MYO18A: variants seen among roughly 807,000 people sequenced by gnomAD.
MYO18A encodes the protein myosin XVIIIA.
Under a neutral mutation model 235.8 loss-of-function variants are expected in MYO18A, and 78 were observed. The observed-to-expected ratio is 0.33, with a 90% CI of 0.28 to 0.40. The LOEUF is 0.40. MYO18A is among the 10% of genes least tolerant of loss of function. The pLI is 1.00. For synonymous variants in MYO18A, 977 were observed against 1,077.8 expected, an observed-to-expected ratio of 0.91 and a Z score of 1.83; for missense variants, 2,215 against 2,699.3, an observed-to-expected ratio of 0.82 and a Z score of 3.98.
intron 1 of MYO18A, among the ~76,000 whole-genome samples, chr17:29,170,912 C>A (rs892674693): frequency 7.2e-5 from 11 of 152,160 alleles, no homozygotes; most frequent in Admixed American, 6.6e-4. Context: ...AAGATACACA[C>A]AATGGGGATG....
In MYO18A at chr17:29,120,182, C is replaced by A. The variant is rs963183989; in HGVS notation, c.1728+434G>T. Reference sequence around the variant, plus strand: ...GGGGCCCTGCTGCTCTGCCCAGACCCCAGGTGCCTGCCTTCTGGAAATGGG... The same window carrying A: ...GGGGCCCTGCTGCTCTGCCCAGACCACAGGTGCCTGCCTTCTGGAAATGGG... On this transcript the variant is annotated intron_variant, in intron 7 of 41. Transcript: ENST00000527372. This position sits in a 1 kb window ranked among gnomAD's most constrained non-coding sequence, Gnocchi z 4.2. 3.3e-5 allele frequency among the ~76,000 whole-genome samples: 5 copies of A among 152,240 alleles called. No homozygotes were observed. The highest frequency in any genetic ancestry group is 1.2e-4 in the African/African-American group (5 of 41,460).
chr17:29,097,432 G>A lies in MYO18A; in HGVS notation c.4103-82C>T. Reference sequence around the variant, plus strand: ...CAGAGGGGAAGGAGGATGGGGCAGGGGGAGCAGCAGGTGGAGTCAGCCAGG... The same window carrying A: ...CAGAGGGGAAGGAGGATGGGGCAGGAGGAGCAGCAGGTGGAGTCAGCCAGG... On this transcript the variant is annotated intron_variant, in intron 26 of 41. Coordinates refer to ENST00000527372, the MANE Select transcript of MYO18A (RefSeq NM_078471.4). 3 of 1,552,360 alleles carry A rather than the reference G, an allele frequency of 1.9e-6. No individual in the cohort carries two copies. In the South Asian group the frequency reaches 3.4e-5, roughly 18 times the overall value.
intron 2 of MYO18A, among the ~76,000 whole-genome samples, chr17:29,148,495 G>A (rs984927388): frequency 2.0e-5 from 3 of 152,178 alleles, no homozygotes; most frequent in African/African-American, 7.2e-5. Flanking sequence ...CAGCCCTAGG[G>A]CCAGTACTAG....
intron 2 of MYO18A, among the ~76,000 whole-genome samples, chr17:29,134,161 G>T (rs115357828): frequency 6.6e-6 from 1 of 152,112 alleles, no homozygotes; most frequent in Non-Finnish European, 1.5e-5. Flanking sequence ...AAGTGCAATG[G>T]TGCCATCTCG....
chr17:29,074,084 A>T lies in MYO18A; in HGVS notation c.*686T>A, dbSNP rs1290110092. 2 of 1,613,890 alleles carry T rather than the reference A, an allele frequency of 1.2e-6. No individual in the cohort carries two copies. The highest frequency in any genetic ancestry group is 1.7e-6 in the Non-Finnish European group (2 of 1,180,022). ...GGCTTGCTCAACCCAGCCCAGCAGCACCGGAGAGCCCCTCCGCACCTCATT... is the reference window on the plus strand; with the variant it reads ...GGCTTGCTCAACCCAGCCCAGCAGCTCCGGAGAGCCCCTCCGCACCTCATT... On this transcript the variant is annotated 3_prime_UTR_variant, in exon 42 of 42. Transcript: ENST00000527372. This position sits in a 1 kb window ranked among gnomAD's most constrained non-coding sequence, Gnocchi z 4.4.
intron 28 of MYO18A, among the ~76,000 whole-genome samples, chr17:29,096,164 T>C (rs903630535): frequency 6.6e-6 from 1 of 152,188 alleles, no homozygotes; most frequent in Non-Finnish European, 1.5e-5. Flanking sequence ...TGAGAAGCCC[T>C]TCCCCTGCAG....
chr17:29,127,501 T>G (rs575571307), intron 2 of MYO18A, among the ~76,000 whole-genome samples: 3 of 152,158 alleles, frequency 2.0e-5, no homozygotes, highest in Non-Finnish European at 4.4e-5. Flanking sequence ...GAGAAAACAG[T>G]CTTTCCTCCT....
At position 29,158,313 on chromosome 17, in the gene MYO18A, G is replaced by A. The variant is rs900443315; in HGVS notation, c.999+7629C>T. The stretch of plus-strand genomic sequence containing the variant: ...ATATGGCGGGAGATTAAGGGAGCCC[G>A]AGGGGTGACCCAGGTCTAAGGAAAT... On this transcript the variant is annotated intron_variant, in intron 2 of 41. Coordinates refer to ENST00000527372, the MANE Select transcript of MYO18A (RefSeq NM_078471.4). The surrounding 1 kb of genome is among the most constrained non-coding windows in gnomAD (Gnocchi z 4.3). 3.9e-5 allele frequency among the ~76,000 whole-genome samples: 6 copies of A among 152,116 alleles called. No homozygotes were observed. Among genetic ancestry groups the A allele is most frequent in the African/African-American group, 1.2e-4 (5 of 41,430 alleles).
intron 1 of MYO18A, among the ~76,000 whole-genome samples, chr17:29,176,394 A>T (rs1341688628): frequency 6.6e-6 from 1 of 152,162 alleles, no homozygotes; most frequent in Non-Finnish European, 1.5e-5. Context: ...AAAGAAAAAA[A>T]AAACCCAGGA....
chr17:29,116,046 A>C (rs1458538842), intron 11 of MYO18A, among the ~76,000 whole-genome samples: 1 of 152,190 alleles, frequency 6.6e-6, no homozygotes, highest in Non-Finnish European at 1.5e-5. Context: ...GCAGGTCCTA[A>C]AGGAGGAGGT....
At chr17:29,115,132 T>C in intron 13 of MYO18A, 33 bp from the exon 14 acceptor site, 1 of 1,585,032 alleles carries the variant, frequency 6.3e-7, no homozygotes, top group Non-Finnish European at 8.6e-7. Flanking sequence ...AGAGCCTCGC[T>C]GGTTGGCCCC....
intron 20 of MYO18A, among the ~76,000 whole-genome samples, chr17:29,104,273 CAGGA>C (rs2066726626): frequency 6.6e-6 from 1 of 152,248 alleles, no homozygotes; most frequent in African/African-American, 2.4e-5. Flanking sequence ...CAGTAATCCA[CAGGA>C]AGGGAGGCTA....
intron 36 of MYO18A, 93 bp from the exon 37 acceptor site, chr17:29,090,191 A>G (rs79749090): frequency 0.062 from 86,002 of 1,397,368 alleles, 3,039 homozygotes; most frequent in Non-Finnish European, 0.073. Flanking sequence ...AGTGACCAGA[A>G]GGCAAGGGGA....
chr17:29,113,479 G>T (rs933039328), intron 15 of MYO18A, among the ~76,000 whole-genome samples: 1 of 152,310 alleles, frequency 6.6e-6, no homozygotes, highest in South Asian at 2.1e-4. Flanking sequence ...TGAGGGGTGA[G>T]GGTTCATATC....
intron 1 of MYO18A, among the ~76,000 whole-genome samples, chr17:29,173,098 C>CTTT (rs71135873): frequency 6.1e-5 from 9 of 146,442 alleles, no homozygotes; most frequent in African/African-American, 1.8e-4. Context: ...TTTGCCGTTA[C>CTTT]TTTTTTTTTT....
chr17:29,106,950 C>A lies in MYO18A; in HGVS notation c.3441+130G>T. 1 of 868,612 alleles carries A rather than the reference C, an allele frequency of 1.2e-6. No homozygotes were observed. Among genetic ancestry groups the A allele is most frequent in the South Asian group, 1.6e-5 (1 of 63,248 alleles). 53.8% of individuals were successfully genotyped at this position (868,612 alleles called of 1,614,324 possible). On this transcript the variant is annotated intron_variant, in intron 20 of 41. Coordinates refer to ENST00000527372, the MANE Select transcript of MYO18A (RefSeq NM_078471.4). The surrounding 1 kb of genome is among the most constrained non-coding windows in gnomAD (Gnocchi z 4.6). Reference sequence around the variant, plus strand: ...CTGGGCCCCAGGACACAGCTGGGTGCTTCCAAAACTGGGAGCCTGAGCAGG... The same window carrying A: ...CTGGGCCCCAGGACACAGCTGGGTGATTCCAAAACTGGGAGCCTGAGCAGG...
rs958254555 is a variant in MYO18A, at chr17:29,106,942, G to A, written c.3441+138C>T. On this transcript the variant is annotated intron_variant, in intron 20 of 41. Coordinates refer to ENST00000527372, the MANE Select transcript of MYO18A (RefSeq NM_078471.4). The surrounding 1 kb of genome is among the most constrained non-coding windows in gnomAD (Gnocchi z 4.6). ...CCTATGGTCTGGGCCCCAGGACACAGCTGGGTGCTTCCAAAACTGGGAGCC... is the reference window on the plus strand; with the variant it reads ...CCTATGGTCTGGGCCCCAGGACACAACTGGGTGCTTCCAAAACTGGGAGCC... 21 of 809,892 alleles carry A rather than the reference G, an allele frequency of 2.6e-5. No individual in the cohort carries two copies. The Admixed American group carries it at 2.6e-4, about 10-fold the overall frequency. 50.2% of individuals were successfully genotyped at this position (809,892 alleles called of 1,614,324 possible).
chr17:29,130,011 G>A lies in MYO18A; in HGVS notation c.1000-7758C>T, dbSNP rs570880892. Among the ~76,000 whole-genome samples the A allele has an allele frequency of 9.2e-5, 14 of 152,254 alleles. No individual in the cohort carries two copies. In the South Asian group the frequency reaches 1.4e-3, roughly 16 times the overall value. On this transcript the variant is annotated intron_variant, in intron 2 of 41. Coordinates refer to ENST00000527372, the MANE Select transcript of MYO18A (RefSeq NM_078471.4). Reference sequence around the variant, plus strand: ...CCCCTTCCATCATTAAGATGATGACGATGGGCCAGGTGTGGTGGCTCACGC... The same window carrying A: ...CCCCTTCCATCATTAAGATGATGACAATGGGCCAGGTGTGGTGGCTCACGC...
At chr17:29,115,185 C>T (rs974077879) in intron 13 of MYO18A, 86 bp from the exon 14 acceptor site, 1 of 1,475,828 alleles carries the variant, frequency 6.8e-7, no homozygotes, top group African/African-American at 1.4e-5. Flanking sequence ...GACCTCTATC[C>T]CTGCCCAGGA....
Sources: gnomAD v4.1 joint callset for allele counts (sites outside exome capture counted in the v4.1 genomes callset) on GRCh38, gnomAD v4.1.1 for gene constraint, Gnocchi (gnomAD v3.1) non-coding constraint, MANE v1.5 for transcripts, NCBI Gene and HGNC (gene_info 2026-07-23, HGNC 2026-07-21) for gene names.